The following ATP8B4 variants were observed in gnomAD, a reference collection of about 807,000 sequenced individuals.
The protein encoded by ATP8B4 is ATPase phospholipid transporting 8B4 (putative).
A neutral mutation model predicts 145.6 loss-of-function variants in ATP8B4; 133 were observed. The observed-to-expected ratio is 0.91, with a 90% CI of 0.79 to 1.05. ATP8B4 has a LOEUF of 1.05. Among genes scored for constraint, ATP8B4 ranks in the 50% least tolerant of loss-of-function variants. The pLI is 0.00. For synonymous variants in ATP8B4, 507 were observed against 492.9 expected, an observed-to-expected ratio of 1.03 and a Z score of -0.38; for missense variants, 1,458 against 1,425.2, an observed-to-expected ratio of 1.02 and a Z score of -0.37.
intron 14 of ATP8B4, among the ~76,000 whole-genome samples, chr15:49,950,677 G>A (rs2043023142): frequency 6.6e-6 from 1 of 150,830 alleles, no homozygotes; most frequent in Admixed American, 6.6e-5. Context: ...TTTTTTGGAG[G>A]GTTTTTTGTG....
In ATP8B4 at chr15:49,929,694, G is replaced by C. The variant is rs527600762; in HGVS notation, c.1642+1425C>G. Among the ~76,000 whole-genome samples, 16 of 152,114 alleles carry C rather than the reference G, an allele frequency of 1.1e-4. No individual in the cohort carries two copies. The East Asian group carries it at 2.7e-3, about 26-fold the overall frequency. On this transcript the variant is annotated intron_variant, in intron 16 of 27. Coordinates refer to ENST00000284509, the MANE Select transcript of ATP8B4 (RefSeq NM_024837.4). ...ATGAAGGAGAATAGTCAGCAAAGGA[G>C]CTTGAGAAAGAAAACAATGGGACAA...
At chr15:49,896,255 T>A (rs1268724696) in intron 23 of ATP8B4, 1 of 152,162 alleles carries the variant, frequency 6.6e-6, no homozygotes, top group Non-Finnish European at 1.5e-5. Flanking sequence ...GGGCATGTTA[T>A]CCTAAAAAGA....
intron 13 of ATP8B4, among the ~76,000 whole-genome samples, chr15:49,971,285 T>A (rs1599527316): frequency 6.6e-6 from 1 of 152,096 alleles, no homozygotes; most frequent in Admixed American, 6.5e-5. Context: ...CTAATTAAAC[T>A]AAAGAGCTTC....
At chr15:50,085,940 T>TG (rs2054940573) in intron 2 of ATP8B4, among the ~76,000 whole-genome samples, 1 of 96,226 alleles carries the variant, frequency 1.0e-5, no homozygotes, top group Non-Finnish European at 1.8e-5. Context: ...TATATATTTA[T>TG]ATATGATATA....
In ATP8B4 at chr15:49,979,749, T is replaced by G; in HGVS notation, c.902A>C (p.Gln301Pro). 6.2e-7 allele frequency: 1 copy of G among 1,611,512 alleles called. No individual in the cohort carries two copies. The change falls in exon 12 of 28, where the codon CAA becomes CCA. Residue 301 changes from glutamine (Q) to proline (P), a missense_variant. By Grantham distance (76) the Gln-to-Pro change is moderately conservative (BLOSUM62 -1). Coordinates refer to ENST00000284509, the MANE Select transcript of ATP8B4 (RefSeq NM_024837.4). ...LAIGNSIWES[Q>P]TGDQFRTFLF... Reference sequence around the variant, plus strand: ...GAAAGTTCTGAATTGGTCCCCAGTTTGACTCTCCCAGATTGAATTTCCTAT... The same window carrying G: ...GAAAGTTCTGAATTGGTCCCCAGTTGGACTCTCCCAGATTGAATTTCCTAT...
intron 1 of ATP8B4, among the ~76,000 whole-genome samples, chr15:50,162,281 T>C (rs1035508200): frequency 6.6e-6 from 1 of 151,540 alleles, no homozygotes; most frequent in African/African-American, 2.4e-5. Flanking sequence ...TGCTTGGTGT[T>C]CTATAACCTT....
At chr15:49,909,933 C>T (rs563223454) in intron 20 of ATP8B4, among the ~76,000 whole-genome samples, 109 of 151,926 alleles carry the variant, frequency 7.2e-4, no homozygotes, top group African/African-American at 2.6e-3. Context: ...ACACAAGAAA[C>T]GTGAAAAAGC....
At chr15:50,018,841 G>A in intron 6 of ATP8B4, 1 of 855,294 alleles carries the variant, frequency 1.2e-6, no homozygotes, top group Non-Finnish European at 1.6e-6. Context: ...TTATAATCAT[G>A]GGTAAAATAT....
chr15:50,086,996 AAAT>A (rs1454088912), intron 2 of ATP8B4, among the ~76,000 whole-genome samples: 1 of 112,262 alleles, frequency 8.9e-6, no homozygotes. Context: ...ATATATAATA[AAAT>A]AATATAGAGA....
chr15:50,077,299 C>G (rs1361120915), intron 2 of ATP8B4, among the ~76,000 whole-genome samples: 3 of 152,186 alleles, frequency 2.0e-5, no homozygotes, highest in Non-Finnish European at 4.4e-5. Context: ...TCTTTTTCCT[C>G]CCTTCTTTCT....
intron 14 of ATP8B4, among the ~76,000 whole-genome samples, chr15:49,955,833 A>G (rs1246342197): frequency 6.6e-6 from 1 of 152,220 alleles, no homozygotes; most frequent in Admixed American, 6.5e-5. Context: ...TCATTGAAAC[A>G]TGAAATAAAA....
Position 49,931,203 on chromosome 15 carries a change from T to C in ATP8B4, c.1558A>G (p.Ile520Val), listed in dbSNP as rs780644211. The C allele has an allele frequency of 5.0e-6, 8 of 1,612,726 alleles. No individual in the cohort carries two copies. The highest frequency in any genetic ancestry group is 2.2e-5 in the East Asian group (1 of 44,864). The change falls in exon 16 of 28, where the codon ATA (isoleucine) becomes GTA (valine). Residue 520 changes from isoleucine to valine, a missense_variant. By Grantham distance (29) the Ile-to-Val change is conservative. Coordinates refer to ENST00000284509, the MANE Select transcript of ATP8B4 (RefSeq NM_024837.4). ...GTAACTAGTGTTCCCAATTCTTCTA[T>C]TGTTATGGTCTCTGGGGTCCGGGAT... Reference protein sequence around the residue: ...FKSRTPETITIEELGTLVTYQ... With the variant: ...FKSRTPETITVEELGTLVTYQ...
chr15:50,034,193 C>T (rs1239919508), intron 6 of ATP8B4, among the ~76,000 whole-genome samples: 2 of 149,196 alleles, frequency 1.3e-5, no homozygotes, highest in African/African-American at 4.9e-5. Context: ...TGTATAGATG[C>T]TTGCCATTTT....
intron 5 of ATP8B4, among the ~76,000 whole-genome samples, chr15:50,042,988 A>T (rs2051419979): frequency 6.6e-6 from 1 of 152,224 alleles, no homozygotes; most frequent in Non-Finnish European, 1.5e-5. Flanking sequence ...AAATATTCCA[A>T]TTGAAAGGCA....
At chr15:50,037,958 A>C (rs2050963971) in intron 6 of ATP8B4, among the ~76,000 whole-genome samples, 1 of 152,238 alleles carries the variant, frequency 6.6e-6, no homozygotes. Context: ...TTTCCCTCAC[A>C]TATGGCTAAT....
chr15:49,860,034 C>T lies in ATP8B4; in HGVS notation c.*160G>A, dbSNP rs2031337754. On this transcript the variant is annotated 3_prime_UTR_variant, in exon 28 of 28. Transcript: ENST00000284509. ...GGCCTGGTTTTCCATAGCGCACACT[C>T]CTGTTTGATGGGCACTGGCAGTTGT... 4 of 848,846 alleles carry T rather than the reference C, an allele frequency of 4.7e-6. No homozygotes were observed. Among genetic ancestry groups the T allele is most frequent in the Non-Finnish European group, 7.2e-6 (4 of 555,046 alleles). 52.6% of individuals were successfully genotyped at this position (848,846 alleles called of 1,614,324 possible).
intron 10 of ATP8B4, among the ~76,000 whole-genome samples, chr15:49,983,560 C>G (rs1248832488): frequency 2.0e-5 from 3 of 152,182 alleles, no homozygotes; most frequent in South Asian, 4.1e-4. Flanking sequence ...TGTATCCACT[C>G]TGCCCCCAAA....
At chr15:50,176,054 T>C (rs1291583426) in intron 1 of ATP8B4, among the ~76,000 whole-genome samples, 2 of 151,296 alleles carry the variant, frequency 1.3e-5, no homozygotes, top group Admixed American at 6.6e-5. Context: ...TGTATATATA[T>C]ACCGCAGAGT....
intron 3 of ATP8B4, among the ~76,000 whole-genome samples, chr15:50,049,115 G>T (rs780184299): frequency 1.3e-5 from 2 of 152,150 alleles, no homozygotes; most frequent in Non-Finnish European, 2.9e-5. Flanking sequence ...CTCCTTTGGG[G>T]TGTACCCATT....
Sources: allele counts gnomAD v4.1 joint callset (sites outside exome capture counted in the v4.1 genomes callset), GRCh38; gene constraint gnomAD v4.1.1; transcripts MANE v1.5; gene names NCBI Gene and HGNC (gene_info 2026-07-23, HGNC 2026-07-21).